B3GNT6: variants seen among roughly 807,000 people sequenced by gnomAD.
B3GNT6 encodes the protein UDP-GlcNAc:betaGal beta-1,3-N-acetylglucosaminyltransferase 6, also known as acetylgalactosaminyl-O-glycosyl-glycoprotein beta-1,3-N-acetylglucosaminyltransferase.
For synonymous variants in B3GNT6, 300 were observed against 270.0 expected, an observed-to-expected ratio of 1.11 and a Z score of -1.09; for missense variants, 624 against 568.6, an observed-to-expected ratio of 1.10 and a Z score of -0.99.
At chr11:77,036,291 G>A (rs1255193223) in intron 1 of B3GNT6, among the ~76,000 whole-genome samples, 1 of 152,188 alleles carries the variant, frequency 6.6e-6, no homozygotes, top group Non-Finnish European at 1.5e-5. Flanking sequence ...GCAGGAATAA[G>A]TGAAGAGCAA....
chr11:77,040,784 T>G lies in B3GNT6; in HGVS notation c.*78T>G. The G allele has an allele frequency of 6.8e-7, 1 of 1,466,226 alleles. No homozygotes were observed. Among genetic ancestry groups the G allele is most frequent in the Middle Eastern group, 2.5e-4 (1 of 3,994 alleles). 90.8% of individuals were successfully genotyped at this position (1,466,226 alleles called of 1,614,324 possible). ...GGCAGCTTTCCCGCTCTGGGTACCTTACGTCCTGCCCAGCTCTGTGCACCT... is the reference window on the plus strand; with the variant it reads ...GGCAGCTTTCCCGCTCTGGGTACCTGACGTCCTGCCCAGCTCTGTGCACCT... On this transcript the variant is annotated 3_prime_UTR_variant, in exon 2 of 2. Coordinates refer to ENST00000622824, the MANE Select transcript of B3GNT6 (RefSeq NM_138706.5).
rs1555027411 is a variant in B3GNT6, at chr11:77,039,663, C to A, written c.112C>A (p.Arg38=). The change falls in exon 2 of 2, where the codon CGG becomes AGG. Residue 38 remains arginine, a synonymous_variant. Transcript: ENST00000622824. ...QWFLQAPRSP[R]EERSPQEETP... Reference sequence around the variant, plus strand: ...GTTCCTCCAGGCGCCAAGGTCCCCGCGGGAGGAGAGGTCCCCGCAGGAGGA... The same window carrying A: ...GTTCCTCCAGGCGCCAAGGTCCCCGAGGGAGGAGAGGTCCCCGCAGGAGGA... The A allele has an allele frequency of 6.2e-7, 1 of 1,612,974 alleles. No homozygotes were observed. The highest frequency in any genetic ancestry group is 8.5e-7 in the Non-Finnish European group (1 of 1,179,680).
chr11:77,038,094 G>T (rs1186310054), intron 1 of B3GNT6, among the ~76,000 whole-genome samples: 1 of 44,836 alleles, frequency 2.2e-5, no homozygotes. Flanking sequence ...AGGGGGAGGA[G>T]GAGGGGGAGG....
chr11:77,038,568 CCT>C (rs1555027268), intron 1 of B3GNT6, among the ~76,000 whole-genome samples: 1 of 151,888 alleles, frequency 6.6e-6, no homozygotes, highest in African/African-American at 2.4e-5. Context: ...ACAGCAAGAC[CCT>C]GTCTCAAATA....
Position 77,040,541 on chromosome 11 carries a change from A to G in B3GNT6, c.990A>G (p.Arg330=), listed in dbSNP as rs34153015. Residue 330 remains arginine (R), a synonymous_variant, in exon 2 of 2, where the codon CGA becomes CGG. Coordinates refer to ENST00000622824, the MANE Select transcript of B3GNT6 (RefSeq NM_138706.5). ...CGCCCAGCGGCCACGAGGGCATCCGACCCTTCGGCGTGCAGCTGCCTGGCG... is the reference window on the plus strand; with the variant it reads ...CGCCCAGCGGCCACGAGGGCATCCGGCCCTTCGGCGTGCAGCTGCCTGGCG... ...GLAPSGHEGI[R]PFGVQLPGAQ... 0.74 allele frequency: 1,162,518 copies of G among 1,571,562 alleles called. 431,438 individuals are homozygous for G. Among genetic ancestry groups the G allele is most frequent in the South Asian group, 0.81 (70,442 of 87,018 alleles).
intron 1 of B3GNT6, 131 bp from the exon 2 acceptor site, chr11:77,039,421 T>C: frequency 6.8e-7 from 1 of 1,473,614 alleles, no homozygotes; most frequent in Non-Finnish European, 9.0e-7. Context: ...TTGATTCCTT[T>C]TTACCACTTA....
rs1555027511 is a variant in B3GNT6 at position 77,039,954 on chromosome 11, C to T, written c.403C>T (p.Leu135Phe). The T allele has an allele frequency of 1.9e-6, 3 of 1,591,556 alleles. No individual in the cohort carries two copies. The highest frequency in any genetic ancestry group is 4.5e-5 in the East Asian group (2 of 44,184). Residue 135 changes from leucine to phenylalanine, a missense_variant, in exon 2 of 2, where the codon CTC (leucine) becomes TTC (phenylalanine). Transcript: ENST00000622824. Reference sequence around the variant, plus strand: ...GCCTGAGCACTACGAGCGACGCGAGCTCATCCGGCGCACGTGGGGGCAAGA... The same window carrying T: ...GCCTGAGCACTACGAGCGACGCGAGTTCATCCGGCGCACGTGGGGGCAAGA... ...SAPEHYERRE[L>F]IRRTWGQERS...
At chr11:77,034,915 T>G (rs2135371780) in intron 1 of B3GNT6, among the ~76,000 whole-genome samples, 1 of 152,180 alleles carries the variant, frequency 6.6e-6, no homozygotes, top group South Asian at 2.1e-4. Flanking sequence ...TCCCAGCACT[T>G]TGGGAGGCCA....
intron 1 of B3GNT6, among the ~76,000 whole-genome samples, chr11:77,039,025 T>C (rs1327353175): frequency 6.6e-6 from 1 of 152,088 alleles, no homozygotes; most frequent in East Asian, 1.9e-4. Context: ...TGGGTCTGAG[T>C]TCAGTGCTAT....
At chr11:77,036,759 A>T (rs955333211) in intron 1 of B3GNT6, among the ~76,000 whole-genome samples, 5 of 152,196 alleles carry the variant, frequency 3.3e-5, no homozygotes, top group Non-Finnish European at 7.3e-5. Flanking sequence ...AGCATTTCCT[A>T]CTACTCGGCT....
In B3GNT6 at chr11:77,039,973, G is replaced by C. The variant is rs781834387; in HGVS notation, c.422G>C (p.Gly141Ala). 6.3e-7 allele frequency: 1 copy of C among 1,589,976 alleles called. No homozygotes were observed. The highest frequency in any genetic ancestry group is 8.5e-7 in the Non-Finnish European group (1 of 1,175,876). Residue 141 changes from glycine to alanine, a missense_variant, in exon 2 of 2, where the codon GGG (glycine) becomes GCG (alanine). By Grantham distance (60) the Gly-to-Ala change is moderately conservative (BLOSUM62 0). Coordinates refer to ENST00000622824, the MANE Select transcript of B3GNT6 (RefSeq NM_138706.5). ...CGCGAGCTCATCCGGCGCACGTGGG[G>C]GCAAGAGCGCAGCTACGGCGGGCGG... is the stretch of plus-strand genomic sequence containing the variant. ...ERRELIRRTW[G>A]QERSYGGRPV...
intron 1 of B3GNT6, chr11:77,037,309 GA>G: frequency 6.6e-6 from 1 of 152,282 alleles, no homozygotes; most frequent in Non-Finnish European, 1.5e-5. Flanking sequence ...GTAGGTTGAT[GA>G]AAAATGCAGA....
At position 77,038,443 on chromosome 11, in the gene B3GNT6, G is replaced by A. The variant is rs2135377164; in HGVS notation, c.1-1109G>A. Among the ~76,000 whole-genome samples, 3 of 150,956 alleles carry A rather than the reference G, an allele frequency of 2.0e-5. No homozygotes were observed. The East Asian group carries it at 5.9e-4, about 30-fold the overall frequency. ...TTTAATGACCCAGGTGTGGTGGCAC[G>A]CTCCTGTAGAGCGCCTCAACTACTC... is the stretch of plus-strand genomic sequence containing the variant. On this transcript the variant is annotated intron_variant, in intron 1 of 1. Transcript: ENST00000622824.
chr11:77,039,984 A>C lies in B3GNT6; in HGVS notation c.433A>C (p.Ser145Arg). Residue 145 changes from serine to arginine, a missense_variant, in exon 2 of 2, where the codon AGC (serine) becomes CGC (arginine). Physicochemically the swap from Ser to Arg is moderately radical, Grantham distance 110. Transcript: ENST00000622824. ...LIRRTWGQER[S>R]YGGRPVRRLF... ...CCGGCGCACGTGGGGGCAAGAGCGCAGCTACGGCGGGCGGCCAGTGCGCCG... is the reference window on the plus strand; with the variant it reads ...CCGGCGCACGTGGGGGCAAGAGCGCCGCTACGGCGGGCGGCCAGTGCGCCG... The C allele has an allele frequency of 6.3e-7, 1 of 1,587,484 alleles. No homozygotes were observed. Among genetic ancestry groups the C allele is most frequent in the Non-Finnish European group, 8.5e-7 (1 of 1,174,788 alleles).
At position 77,039,991 on chromosome 11, in the gene B3GNT6, G is replaced by A. The variant is rs1555027534; in HGVS notation, c.440G>A (p.Gly147Asp). 6 of 1,578,446 alleles carry A rather than the reference G, an allele frequency of 3.8e-6. No individual in the cohort carries two copies. Among genetic ancestry groups the A allele is most frequent in the Non-Finnish European group, 5.1e-6 (6 of 1,170,820 alleles). ...ACGTGGGGGCAAGAGCGCAGCTACG[G>A]CGGGCGGCCAGTGCGCCGCCTCTTT... ...RRTWGQERSY[G>D]GRPVRRLFLL... Residue 147 changes from glycine to aspartate, a missense_variant, in exon 2 of 2, where the codon GGC becomes GAC. Physicochemically the swap from Gly to Asp is moderately conservative, Grantham distance 94 (BLOSUM62 -1). Transcript: ENST00000622824.
chr11:77,040,306 A>G lies in B3GNT6; in HGVS notation c.755A>G (p.Glu252Gly). The change falls in exon 2 of 2, where the codon GAG becomes GGG. Residue 252 changes from glutamate to glycine, a missense_variant. Glu to Gly is a moderately conservative substitution (Grantham distance 98, BLOSUM62 -2). Coordinates refer to ENST00000622824, the MANE Select transcript of B3GNT6 (RefSeq NM_138706.5). Reference sequence around the variant, plus strand: ...CACCTGTTCTCCGGCCAGCTCATGGAGGGCTCCGTGCCCATCCGCGACAGC... The same window carrying G: ...CACCTGTTCTCCGGCCAGCTCATGGGGGGCTCCGTGCCCATCCGCGACAGC... ...GRHLFSGQLM[E>G]GSVPIRDSWS... 6.3e-7 allele frequency: 1 copy of G among 1,583,220 alleles called. No individual in the cohort carries two copies. Among genetic ancestry groups the G allele is most frequent in the Non-Finnish European group, 8.5e-7 (1 of 1,172,610 alleles).
rs1555027695 is a variant in B3GNT6, at chr11:77,040,319, C to T, written c.768C>T (p.Pro256=). The change falls in exon 2 of 2, where the codon CCC becomes CCT. Residue 256 remains proline (P), a synonymous_variant. Coordinates refer to ENST00000622824, the MANE Select transcript of B3GNT6 (RefSeq NM_138706.5). ...GCCAGCTCATGGAGGGCTCCGTGCCCATCCGCGACAGCTGGAGCAAGTACT... is the reference window on the plus strand; with the variant it reads ...GCCAGCTCATGGAGGGCTCCGTGCCTATCCGCGACAGCTGGAGCAAGTACT... ...FSGQLMEGSV[P]IRDSWSKYFV... The T allele has an allele frequency of 2.5e-6, 4 of 1,570,586 alleles. No homozygotes were observed. The African/African-American group carries it at 5.4e-5, about 21-fold the overall frequency.
chr11:77,040,684 A>G lies in B3GNT6; in HGVS notation c.1133A>G (p.Asp378Gly). Residue 378 changes from aspartate to glycine, a missense_variant, in exon 2 of 2, where the codon GAC (aspartate) becomes GGC (glycine). Asp to Gly is a moderately conservative substitution (Grantham distance 94). Transcript: ENST00000622824. ...CTGCACAGCCCCGCGCTCAGCTGTG[A>G]CCGGGGACACCGGGTCTCCTGAGGC... is the stretch of plus-strand genomic sequence containing the variant. ...KALHSPALSC[D>G]RGHRVS The G allele has an allele frequency of 1.8e-5, 28 of 1,582,984 alleles. No individual in the cohort carries two copies. The highest frequency in any genetic ancestry group is 2.4e-5 in the Non-Finnish European group (28 of 1,169,500).
chr11:77,040,919 CATGT>C lies in B3GNT6; in HGVS notation c.*214_*217del. The C allele has an allele frequency of 8.3e-6, 6 of 724,940 alleles. No homozygotes were observed. Among genetic ancestry groups the C allele is most frequent in the Non-Finnish European group, 1.2e-5 (6 of 495,166 alleles). The allele number at this position is 724,940 out of a possible 1,614,324, so 44.9% of individuals were successfully genotyped here. A position where few individuals can be genotyped will look rare whatever the true frequency, so the allele number is the denominator to read the frequency against. On this transcript the variant is annotated 3_prime_UTR_variant, in exon 2 of 2. Coordinates refer to ENST00000622824, the MANE Select transcript of B3GNT6 (RefSeq NM_138706.5). Reference sequence around the variant, plus strand: ...TTGATTAGTCTGGGGTGGACCCAGACATGTTAAGTATTTTTTAAGTTCCTCCAGT... The same window carrying C: ...TTGATTAGTCTGGGGTGGACCCAGACTAAGTATTTTTTAAGTTCCTCCAGT...
Sources: allele counts gnomAD v4.1 joint callset (sites outside exome capture counted in the v4.1 genomes callset), GRCh38; gene constraint gnomAD v4.1.1; transcripts MANE v1.5; gene names NCBI Gene and HGNC (gene_info 2026-07-23, HGNC 2026-07-21).